The following STXBP4 variants were observed in gnomAD, a reference collection of about 807,000 sequenced individuals.
STXBP4 encodes the protein syntaxin binding protein 4, also known as syntaxin-binding protein 4.
STXBP4 carries 55 observed loss-of-function variants against 76.1 expected under a neutral mutation model. The observed-to-expected ratio is 0.72, with a 90% CI of 0.58 to 0.91. The LOEUF is 0.91. STXBP4 is among the 40% of genes least tolerant of loss of function. The pLI, the probability that STXBP4 is intolerant of heterozygous loss-of-function variation, is 0.00. For missense variants in STXBP4, 618 were observed against 636.9 expected (o/e 0.97, Z 0.32); for synonymous variants, 201 against 220.2 (o/e 0.91, Z 0.77).
chr17:54,991,101 T>G, intron 4 of STXBP4, 144 bp downstream of exon 4: 1 of 872,384 alleles, frequency 1.1e-6, no homozygotes. Flanking sequence ...AAGATAAGAC[T>G]ATTGCCCTCA....
chr17:55,201,612 C>G, the STXBP4 span, among the ~76,000 whole-genome samples: 1 of 152,146 alleles, frequency 6.6e-6, no homozygotes, highest in African/African-American at 2.4e-5. Context: ...CTCAGCATGC[C>G]TAGGAAATTT....
chr17:55,034,302 C>G, intron 10 of STXBP4, 43 bp downstream of exon 10: 4 of 1,411,296 alleles, frequency 2.8e-6, no homozygotes, highest in Non-Finnish European at 3.9e-6. Context: ...GTATAAGTCA[C>G]AAGTCTTGAA....
chr17:55,037,645 A>T (rs2078626252), intron 10 of STXBP4, among the ~76,000 whole-genome samples: 1 of 152,104 alleles, frequency 6.6e-6, no homozygotes, highest in African/African-American at 2.4e-5. Flanking sequence ...CGTGCAATAG[A>T]ATTATATTAA....
chr17:55,203,113 T>G, the STXBP4 span, among the ~76,000 whole-genome samples: 1 of 152,290 alleles, frequency 6.6e-6, no homozygotes, highest in African/African-American at 2.4e-5. Flanking sequence ...CACTTCTTTA[T>G]GCTTTTGCAC....
At chr17:55,077,569 A>G (rs2079198290) in intron 13 of STXBP4, among the ~76,000 whole-genome samples, 3 of 152,112 alleles carry the variant, frequency 2.0e-5, no homozygotes, top group Non-Finnish European at 2.9e-5. Flanking sequence ...AGGGATCAGC[A>G]TATACCCTCC....
At chr17:55,076,985 A>AT in intron 13 of STXBP4, among the ~76,000 whole-genome samples, 1 of 152,172 alleles carries the variant, frequency 6.6e-6, no homozygotes, top group African/African-American at 2.4e-5. Flanking sequence ...TTTGAGATGT[A>AT]TTTTTTATGT....
chr17:55,198,697 C>T, the STXBP4 span, among the ~76,000 whole-genome samples: 1 of 152,326 alleles, frequency 6.6e-6, no homozygotes, highest in Non-Finnish European at 1.5e-5. Flanking sequence ...ATTCACCAAA[C>T]TTATCTGAGA....
At chr17:55,181,774 C>T in the STXBP4 span, among the ~76,000 whole-genome samples, 1 of 152,048 alleles carries the variant, frequency 6.6e-6, no homozygotes, top group Non-Finnish European at 1.5e-5. Flanking sequence ...GCCTATTTAC[C>T]CTTAGGGTAT....
the STXBP4 span, among the ~76,000 whole-genome samples, chr17:55,206,147 C>T: frequency 6.6e-6 from 1 of 151,910 alleles, no homozygotes; most frequent in Non-Finnish European, 1.5e-5. Flanking sequence ...ATTCCATATA[C>T]ATTATGTGTG....
the STXBP4 span, among the ~76,000 whole-genome samples, chr17:55,206,857 GAAAA>G: frequency 0.058 from 5,970 of 103,120 alleles, 285 homozygotes; most frequent in East Asian, 0.27. Context: ...CTCCGTCTCA[GAAAA>G]AAAAAAAAAA....
the STXBP4 span, among the ~76,000 whole-genome samples, chr17:55,197,504 G>A: frequency 5.9e-5 from 9 of 152,212 alleles, no homozygotes; most frequent in Non-Finnish European, 1.2e-4. Context: ...AGCACTTTGG[G>A]AGGCCAAGGC....
chr17:55,178,084 A>G (rs1044570558), downstream of STXBP4, among the ~76,000 whole-genome samples: 2 of 152,212 alleles, frequency 1.3e-5, no homozygotes, highest in Non-Finnish European at 2.9e-5. Flanking sequence ...CTTAATGGAG[A>G]TGAACAAATG....
Position 55,159,890 on chromosome 17 carries a change from A to G in STXBP4, c.1641A>G (p.Glu547=). ...SEENEEDCSR[E]LPNQKS ...AGAATGAAGAGGATTGCTCTAGAGAACTCCCCAACCAGAAAAGTTGATGGT... is the reference window on the plus strand; with the variant it reads ...AGAATGAAGAGGATTGCTCTAGAGAGCTCCCCAACCAGAAAAGTTGATGGT... The change falls in exon 18 of 18, where the codon GAA becomes GAG. Residue 547 remains glutamate (E), a synonymous_variant. Transcript: ENST00000376352. The G allele has an allele frequency of 6.2e-7, 1 of 1,612,814 alleles. No individual in the cohort carries two copies.
intron 16 of STXBP4, among the ~76,000 whole-genome samples, chr17:55,110,371 G>A (rs958626384): frequency 1.2e-4 from 19 of 152,176 alleles, no homozygotes; most frequent in African/African-American, 4.1e-4. Flanking sequence ...CATCGTGGAG[G>A]GCTATTATTC....
chr17:55,088,176 G>A (rs2079363250), intron 16 of STXBP4, among the ~76,000 whole-genome samples: 1 of 152,100 alleles, frequency 6.6e-6, no homozygotes, highest in Non-Finnish European at 1.5e-5. Flanking sequence ...TTTTCTGCAT[G>A]GAAAACAAAA....
chr17:55,093,463 T>C (rs1354376220), intron 16 of STXBP4, among the ~76,000 whole-genome samples: 1 of 152,216 alleles, frequency 6.6e-6, no homozygotes, highest in Admixed American at 6.5e-5. Context: ...AGAGAAATTT[T>C]ACCTGTTTTT....
the STXBP4 span, among the ~76,000 whole-genome samples, chr17:55,203,758 G>A: frequency 7.2e-4 from 110 of 152,240 alleles, no homozygotes; most frequent in African/African-American, 2.5e-3. Flanking sequence ...CAAGATTTTA[G>A]TGTCATTATT....
At chr17:55,202,686 G>T in the STXBP4 span, among the ~76,000 whole-genome samples, 1 of 152,036 alleles carries the variant, frequency 6.6e-6, no homozygotes, top group African/African-American at 2.4e-5. Context: ...GATTTAATAG[G>T]CATTGTTTAA....
At position 55,097,519 on chromosome 17, in the gene STXBP4, T is replaced by C. The variant is rs566150137; in HGVS notation, c.1489+16336T>C. Among the ~76,000 whole-genome samples, 196 of 152,076 alleles carry C rather than the reference T, an allele frequency of 1.3e-3. 1 individual carries two copies. The highest frequency in any genetic ancestry group is 2.3e-3 in the Non-Finnish European group (153 of 67,980). ...TCTACTAAAAATATAAAAAATTAGC[T>C]GGGCGTGGTGGCGGGTGCCTGTAGT... On this transcript the variant is annotated intron_variant, in intron 16 of 17. Transcript: ENST00000376352.
Sources: gnomAD v4.1 joint callset for allele counts (sites outside exome capture counted in the v4.1 genomes callset) on GRCh38, gnomAD v4.1.1 for gene constraint, MANE v1.5 for transcripts, NCBI Gene and HGNC (gene_info 2026-07-23, HGNC 2026-07-21) for gene names.